Variants in CYB5R4 observed in about 807,000 individuals in gnomAD.
CYB5R4 encodes the protein cytochrome b5 reductase 4.
A neutral mutation model predicts 70.2 loss-of-function variants in CYB5R4; 55 were observed. The ratio of observed to expected loss-of-function variants is 0.78; its 90% CI spans 0.63 to 0.98. CYB5R4 has a LOEUF of 0.98. Ranked by LOEUF, CYB5R4 falls within the 50% of genes least tolerant of loss-of-function variation. The pLI is 0.00. For missense variants in CYB5R4, 562 were observed against 612.6 expected (o/e 0.92, Z 0.87); for synonymous variants, 197 against 199.5 (o/e 0.99, Z 0.11).
intron 2 of CYB5R4, among the ~76,000 whole-genome samples, chr6:83,882,987 A>G (rs2099459706): frequency 6.6e-6 from 1 of 152,202 alleles, no homozygotes; most frequent in Non-Finnish European, 1.5e-5. Context: ...AAAGCAAACA[A>G]ACAAAGGAAA....
intron 6 of CYB5R4, among the ~76,000 whole-genome samples, chr6:83,918,550 T>C (rs1293555687): frequency 6.6e-6 from 1 of 152,058 alleles, no homozygotes; most frequent in Admixed American, 6.6e-5. Context: ...AGCATTTTTC[T>C]CTGCATTCCA....
At chr6:83,937,038 G>T (rs1437876605) in intron 12 of CYB5R4, among the ~76,000 whole-genome samples, 1 of 152,220 alleles carries the variant, frequency 6.6e-6, no homozygotes, top group Non-Finnish European at 1.5e-5. Context: ...ACTTTGGGAG[G>T]CTGAGGTGGG....
intron 14 of CYB5R4, among the ~76,000 whole-genome samples, chr6:83,952,758 G>T (rs548638419): frequency 6.6e-6 from 1 of 152,272 alleles, no homozygotes; most frequent in East Asian, 1.9e-4. Context: ...TAATTAATAT[G>T]TGAAGTAAAT....
intron 3 of CYB5R4, among the ~76,000 whole-genome samples, chr6:83,899,455 G>T (rs2099462493): frequency 6.6e-6 from 1 of 152,184 alleles, no homozygotes; most frequent in Non-Finnish European, 1.5e-5. Flanking sequence ...GCCAGGCTTT[G>T]ATATGAGGAT....
intron 2 of CYB5R4, among the ~76,000 whole-genome samples, chr6:83,870,743 G>T (rs1044811783): frequency 5.9e-5 from 9 of 151,720 alleles, no homozygotes; most frequent in African/African-American, 2.2e-4. Flanking sequence ...TCTTGTTTAG[G>T]TTAGATTAAA....
At chr6:83,878,910 C>G (rs182233104) in intron 2 of CYB5R4, among the ~76,000 whole-genome samples, 1 of 151,914 alleles carries the variant, frequency 6.6e-6, no homozygotes, top group East Asian at 1.9e-4. Flanking sequence ...GGTTTTTTTC[C>G]CCCATTGTTC....
rs547700604 is a variant in CYB5R4, at chr6:83,961,128, C to A, written c.*1250C>A. On this transcript the variant is annotated 3_prime_UTR_variant, in exon 16 of 16. Transcript: ENST00000369681. Reference sequence around the variant, plus strand: ...ATATTAATATTCCCCAAATTACAGACGCCCAGCTTGTGAAGCTTCCTATGT... The same window carrying A: ...ATATTAATATTCCCCAAATTACAGAAGCCCAGCTTGTGAAGCTTCCTATGT... 6.6e-6 allele frequency: 1 copy of A among 152,268 alleles called. No homozygotes were observed. Among genetic ancestry groups the A allele is most frequent in the Admixed American group, 6.5e-5 (1 of 15,282 alleles). The allele number at this position is 152,268 out of a possible 1,614,324, so 9.4% of individuals were successfully genotyped here. A position where few individuals can be genotyped will look rare whatever the true frequency, so the allele number is the denominator to read the frequency against.
At chr6:83,866,206 A>G (rs926750455) in intron 2 of CYB5R4, among the ~76,000 whole-genome samples, 2 of 152,196 alleles carry the variant, frequency 1.3e-5, no homozygotes, top group East Asian at 1.9e-4. Context: ...GTGATATTAG[A>G]TAATTGAGGC....
intron 5 of CYB5R4, among the ~76,000 whole-genome samples, chr6:83,915,244 GA>G: frequency 1.3e-5 from 2 of 152,266 alleles, no homozygotes; most frequent in Admixed American, 1.3e-4. Flanking sequence ...AACTCTGACT[GA>G]ACTATATTGA....
chr6:83,912,716 A>G (rs922904172), intron 4 of CYB5R4, among the ~76,000 whole-genome samples: 2 of 152,242 alleles, frequency 1.3e-5, no homozygotes, highest in African/African-American at 4.8e-5. Context: ...CCTGTGACTA[A>G]AATGATTCAG....
chr6:83,864,704 T>C (rs1269818469), intron 2 of CYB5R4, among the ~76,000 whole-genome samples: 2 of 152,160 alleles, frequency 1.3e-5, no homozygotes, highest in Non-Finnish European at 2.9e-5. Flanking sequence ...AAAAAAAATC[T>C]CTGAGAATCT....
At chr6:83,895,231 T>A (rs1329920184) in intron 3 of CYB5R4, among the ~76,000 whole-genome samples, 2 of 152,108 alleles carry the variant, frequency 1.3e-5, no homozygotes, top group East Asian at 3.9e-4. Flanking sequence ...AGTGGTGTGA[T>A]CTTGGATCAC....
At chr6:83,917,370 C>G (rs898968393) in intron 5 of CYB5R4, among the ~76,000 whole-genome samples, 1 of 152,056 alleles carries the variant, frequency 6.6e-6, no homozygotes, top group South Asian at 2.1e-4. Context: ...ACCCTTCATA[C>G]TAACCAAAAA....
intron 14 of CYB5R4, among the ~76,000 whole-genome samples, chr6:83,950,614 C>G (rs2099471375): frequency 6.6e-6 from 1 of 152,084 alleles, no homozygotes; most frequent in African/African-American, 2.4e-5. Context: ...CCTTTTGTTT[C>G]AAATGAGTCG....
chr6:83,947,189 G>A (rs983077227), intron 14 of CYB5R4, among the ~76,000 whole-genome samples: 1 of 152,122 alleles, frequency 6.6e-6, no homozygotes, highest in Non-Finnish European at 1.5e-5. Context: ...AAACGGCATG[G>A]TACTGGTACC....
intron 2 of CYB5R4, among the ~76,000 whole-genome samples, chr6:83,869,864 C>A (rs2099457295): frequency 6.6e-6 from 1 of 151,018 alleles, no homozygotes; most frequent in Non-Finnish European, 1.5e-5. Flanking sequence ...CTGTTTAGTG[C>A]CATAATTTTT....
chr6:83,918,027 G>A lies in CYB5R4; in HGVS notation c.468G>A (p.Val156=). ...VLNGMLPKSQ[V]TDTLAKEGPS... is the part of the protein sequence containing the mutation. ...AAGGCATGCTTCCCAAGAGCCAAGT[G>A]ACAGATACACTTGCCAAAGAAGGTC... Residue 156 remains valine, a synonymous_variant, in exon 6 of 16, where the codon GTG becomes GTA. Transcript: ENST00000369681. 1 of 1,611,090 alleles carries A rather than the reference G, an allele frequency of 6.2e-7. No individual in the cohort carries two copies. Among genetic ancestry groups the A allele is most frequent in the African/African-American group, 1.3e-5 (1 of 74,998 alleles).
intron 12 of CYB5R4, among the ~76,000 whole-genome samples, chr6:83,938,177 A>G (rs1377975618): frequency 6.6e-6 from 1 of 152,328 alleles, no homozygotes; most frequent in Admixed American, 6.5e-5. Flanking sequence ...TGGAGTACCT[A>G]CAAATCTAAT....
chr6:83,908,285 T>A (rs1001348220), intron 3 of CYB5R4, among the ~76,000 whole-genome samples: 6 of 152,152 alleles, frequency 3.9e-5, no homozygotes, highest in Non-Finnish European at 7.4e-5. Context: ...CTTCTTTTTT[T>A]AATTTATTTT....
Sources: allele counts gnomAD v4.1 joint callset (sites outside exome capture counted in the v4.1 genomes callset), GRCh38; gene constraint gnomAD v4.1.1; transcripts MANE v1.5; gene names NCBI Gene and HGNC (gene_info 2026-07-23, HGNC 2026-07-21).